DNMBP: variants seen among roughly 807,000 people sequenced by gnomAD.
DNMBP encodes dynamin binding protein.
Under a neutral mutation model 150.0 loss-of-function variants are expected in DNMBP, and 87 were observed. The ratio of observed to expected loss-of-function variants is 0.58; its 90% CI spans 0.49 to 0.69. The LOEUF is 0.69. Among genes scored for constraint, DNMBP ranks in the 30% least tolerant of loss-of-function variants. DNMBP has a pLI of 0.00. For missense variants in DNMBP, 1,774 were observed against 1,949.0 expected (o/e 0.91, Z 1.69); for synonymous variants, 711 against 750.4 (o/e 0.95, Z 0.86).
intron 1 of DNMBP, among the ~76,000 whole-genome samples, chr10:99,996,802 A>G (rs753508504): frequency 6.6e-6 from 1 of 152,128 alleles, no homozygotes; most frequent in Non-Finnish European, 1.5e-5. Context: ...TACTTCAACA[A>G]TTTTCATTCT....
At chr10:99,907,324 G>C (rs2039838502) in intron 6 of DNMBP, among the ~76,000 whole-genome samples, 1 of 150,502 alleles carries the variant, frequency 6.6e-6, no homozygotes, top group Non-Finnish European at 1.5e-5. Flanking sequence ...TAAAAATCCT[G>C]TGTCAAAAAA....
chr10:99,968,831 T>C (rs1459364991), intron 3 of DNMBP, among the ~76,000 whole-genome samples: 1 of 152,220 alleles, frequency 6.6e-6, no homozygotes, highest in Non-Finnish European at 1.5e-5. Flanking sequence ...CAACAGTCTT[T>C]GAATTTTGCT....
chr10:99,930,365 G>A (rs1203365006), intron 4 of DNMBP: 6 of 702,742 alleles, frequency 8.5e-6, no homozygotes, highest in African/African-American at 3.5e-5. Flanking sequence ...TTGCCTCCCC[G>A]TATCCACCAG....
At chr10:99,921,975 A>G in intron 4 of DNMBP, among the ~76,000 whole-genome samples, 1 of 151,266 alleles carries the variant, frequency 6.6e-6, no homozygotes, top group East Asian at 1.9e-4. Flanking sequence ...AATGCAATAT[A>G]TTTCATTGAT....
chr10:99,945,464 C>T (rs114494549), intron 4 of DNMBP, among the ~76,000 whole-genome samples: 28 of 152,272 alleles, frequency 1.8e-4, no homozygotes, highest in African/African-American at 6.7e-4. Context: ...AGTGTGTGCT[C>T]ATGGCCCCGT....
intron 16 of DNMBP, among the ~76,000 whole-genome samples, chr10:99,877,821 G>A (rs889354586): frequency 6.6e-6 from 1 of 152,010 alleles, no homozygotes; most frequent in African/African-American, 2.4e-5. Context: ...CCAAGATCGC[G>A]CCACTGGACT....
intron 16 of DNMBP, among the ~76,000 whole-genome samples, chr10:99,879,405 A>G (rs931173408): frequency 1.3e-5 from 2 of 152,186 alleles, no homozygotes; most frequent in Admixed American, 6.5e-5. Context: ...TGAGAGGTGG[A>G]GGTTGCAGTG....
At chr10:99,915,820 C>A (rs564371105) in intron 4 of DNMBP, among the ~76,000 whole-genome samples, 1 of 152,194 alleles carries the variant, frequency 6.6e-6, no homozygotes, top group Non-Finnish European at 1.5e-5. Context: ...TTATTGTCCC[C>A]ATTTTACTGA....
At chr10:99,880,606 C>T (rs1304190363) in intron 15 of DNMBP, among the ~76,000 whole-genome samples, 1 of 152,184 alleles carries the variant, frequency 6.6e-6, no homozygotes, top group African/African-American at 2.4e-5. Context: ...CAGCTGCCTG[C>T]CGGTTCATTC....
At chr10:99,989,193 C>T (rs1333574271) in intron 1 of DNMBP, among the ~76,000 whole-genome samples, 1 of 152,084 alleles carries the variant, frequency 6.6e-6, no homozygotes, top group Non-Finnish European at 1.5e-5. Flanking sequence ...ATATCCATAC[C>T]CTTTACTGTG....
chr10:99,938,293 C>G (rs1262872894), intron 4 of DNMBP, among the ~76,000 whole-genome samples: 11 of 152,100 alleles, frequency 7.2e-5, no homozygotes, highest in Non-Finnish European at 1.6e-4. Flanking sequence ...CCTGTAATCC[C>G]AGCACTTTGG....
Position 99,956,801 on chromosome 10 carries a change from C to T in DNMBP, c.673G>A (p.Glu225Lys), listed in dbSNP as rs1208381503. Reference sequence around the variant, plus strand: ...TCTTCTCCTACAGGGGTATCTACTTCACCATTAACAATGCAGTCATCTTGA... The same window carrying T: ...TCTTCTCCTACAGGGGTATCTACTTTACCATTAACAATGCAGTCATCTTGA... ...GNQDDCIVNG[E>K]VDTPVGEEEI... Residue 225 changes from glutamate to lysine, a missense_variant, in exon 4 of 17, where the codon GAA becomes AAA. By Grantham distance (56) the Glu-to-Lys change is moderately conservative. Coordinates refer to ENST00000324109, the MANE Select transcript of DNMBP (RefSeq NM_015221.4). The T allele has an allele frequency of 4.3e-6, 7 of 1,614,196 alleles. No homozygotes were observed. Among genetic ancestry groups the T allele is most frequent in the South Asian group, 1.1e-5 (1 of 91,080 alleles).
In DNMBP at chr10:99,916,552, T is replaced by C. The variant is rs79690160; in HGVS notation, c.2261-7406A>G. ...AATTTATGGCAGAAATTATGTGAAA[T>C]GAAGGGAAAGGCCAATTTTATTAAG... On this transcript the variant is annotated intron_variant, in intron 4 of 16. Transcript: ENST00000324109. 3.0e-3 allele frequency among the ~76,000 whole-genome samples: 463 copies of C among 152,176 alleles called. 6 individuals carry two copies. The highest frequency in any genetic ancestry group is 1.7e-3 in the Non-Finnish European group (119 of 68,004).
intron 3 of DNMBP, among the ~76,000 whole-genome samples, chr10:99,962,135 T>C (rs2804946): frequency 1.0e-3 from 157 of 152,190 alleles, no homozygotes; most frequent in East Asian, 2.5e-3. Context: ...TTATTGTCTA[T>C]ATCATGAATT....
At chr10:99,880,431 GA>G (rs2039349657) in intron 15 of DNMBP, 70 bp from the exon 16 acceptor site, 1 of 1,442,680 alleles carries the variant, frequency 6.9e-7, no homozygotes, top group Admixed American at 2.8e-5. Context: ...GGAGCATTGA[GA>G]GAAAAAAAAC....
intron 1 of DNMBP, among the ~76,000 whole-genome samples, chr10:99,990,669 A>G (rs1013578975): frequency 6.6e-6 from 1 of 151,698 alleles, no homozygotes; most frequent in Non-Finnish European, 1.5e-5. Context: ...ATATACACAC[A>G]TATACATATA....
intron 4 of DNMBP, among the ~76,000 whole-genome samples, chr10:99,912,930 G>C (rs1245354805): frequency 6.6e-6 from 1 of 152,188 alleles, no homozygotes; most frequent in Admixed American, 6.5e-5. Flanking sequence ...AGTCTGGCTT[G>C]AAATGACTGT....
At chr10:99,973,080 C>CATTTATTTATTTATTTATTTATTTATTT (rs35399198) in intron 1 of DNMBP, among the ~76,000 whole-genome samples, 17 of 149,580 alleles carry the variant, frequency 1.1e-4, no homozygotes, top group African/African-American at 3.4e-4. Flanking sequence ...CTGCCTGCGG[C>CATTTATTTATTTATTTATTTATTTATTT]ATTTATTTAT....
At chr10:99,890,878 G>A (rs959221433) in intron 11 of DNMBP, among the ~76,000 whole-genome samples, 1 of 152,078 alleles carries the variant, frequency 6.6e-6, no homozygotes, top group Admixed American at 6.6e-5. Context: ...AACTCCTGAC[G>A]TCAGCTGATC....
Sources: allele counts gnomAD v4.1 joint callset (sites outside exome capture counted in the v4.1 genomes callset), GRCh38; gene constraint gnomAD v4.1.1; transcripts MANE v1.5; gene names NCBI Gene and HGNC (gene_info 2026-07-23, HGNC 2026-07-21).